EBF1: variants seen among roughly 807,000 people sequenced by gnomAD.
EBF1 encodes EBF transcription factor 1.
A neutral mutation model predicts 68.4 loss-of-function variants in EBF1; 10 were observed. The observed-to-expected ratio is 0.15, with a 90% CI of 0.09 to 0.25. The LOEUF (loss-of-function observed/expected upper bound fraction) is 0.25. Ranked by LOEUF, EBF1 falls within the 10% of genes least tolerant of loss-of-function variation. EBF1 has a pLI of 1.00. For synonymous variants in EBF1, 298 were observed against 299.8 expected (o/e 0.99, Z 0.06); for missense variants, 509 against 794.4 (o/e 0.64, Z 4.32).
intron 14 of EBF1, among the ~76,000 whole-genome samples, chr5:158,709,503 G>A (rs924295319): frequency 5.9e-5 from 9 of 152,194 alleles, no homozygotes; most frequent in African/African-American, 9.7e-5. Context: ...GAAAAGCCTC[G>A]TTCCCATGAG....
At chr5:158,876,590 C>A (rs1372002617) in intron 6 of EBF1, among the ~76,000 whole-genome samples, 2 of 152,264 alleles carry the variant, frequency 1.3e-5, no homozygotes, top group South Asian at 2.1e-4. Flanking sequence ...TCAGGAAAAA[C>A]AACATCTTTC....
At chr5:158,736,147 G>T (rs1358341625) in intron 10 of EBF1, among the ~76,000 whole-genome samples, 1 of 152,172 alleles carries the variant, frequency 6.6e-6, no homozygotes, top group Non-Finnish European at 1.5e-5. Context: ...GAAATTCTCT[G>T]TAAGGGGGTA....
rs150054857 is a variant in EBF1 at position 158,915,930 on chromosome 5, G to A, written c.555-75820C>T. On this transcript the variant is annotated intron_variant, in intron 6 of 15. Transcript: ENST00000313708. ...GAGAAAGTTTATTAAGAACCTTCAC[G>A]TGTGGGAGTCTCTCAAGAGCAAAGG... is the stretch of plus-strand genomic sequence containing the variant. Among the ~76,000 whole-genome samples, 90 of 152,270 alleles carry A rather than the reference G, an allele frequency of 5.9e-4. 2 individuals are homozygous for A. The South Asian group carries it at 0.016, about 27-fold the overall frequency.
At position 158,997,898 on chromosome 5, in the gene EBF1, C is replaced by T. The variant is rs78321468; in HGVS notation, c.554+75498G>A. Reference sequence around the variant, plus strand: ...CATTCAACAGGAATTTACCAGATACCCACTATGTGCCCCCTCAAGGAATGT... The same window carrying T: ...CATTCAACAGGAATTTACCAGATACTCACTATGTGCCCCCTCAAGGAATGT... On this transcript the variant is annotated intron_variant, in intron 6 of 15. Coordinates refer to ENST00000313708, the MANE Select transcript of EBF1 (RefSeq NM_024007.5). Among the ~76,000 whole-genome samples the T allele has an allele frequency of 4.4e-3, 671 of 152,184 alleles. 6 individuals carry two copies. The highest frequency in any genetic ancestry group is 0.015 in the African/African-American group (639 of 41,506).
At chr5:158,781,500 A>T (rs2127694791) in intron 9 of EBF1, among the ~76,000 whole-genome samples, 1 of 152,270 alleles carries the variant, frequency 6.6e-6, no homozygotes, top group Middle Eastern at 3.4e-3. Flanking sequence ...GCAACAGAGT[A>T]ACAGAATCTC....
At chr5:158,904,588 CA>C in intron 6 of EBF1, among the ~76,000 whole-genome samples, 1 of 152,316 alleles carries the variant, frequency 6.6e-6, no homozygotes, top group East Asian at 1.9e-4. Context: ...CACATTCCTG[CA>C]TAGCAGCTAT....
intron 8 of EBF1, among the ~76,000 whole-genome samples, chr5:158,800,644 AT>A (rs1780416065): frequency 2.0e-5 from 3 of 152,182 alleles, no homozygotes; most frequent in African/African-American, 7.2e-5. Flanking sequence ...TTCTCTCCTC[AT>A]TTTGGATATG....
At chr5:158,941,196 G>T (rs1380829989) in intron 6 of EBF1, 2 of 455,852 alleles carry the variant, frequency 4.4e-6, no homozygotes, top group Middle Eastern at 3.2e-4. Context: ...GAGTGAAAGA[G>T]ACACTCATTC....
chr5:158,705,548 G>A (rs1272522572), intron 15 of EBF1, among the ~76,000 whole-genome samples: 1 of 152,182 alleles, frequency 6.6e-6, no homozygotes, highest in Non-Finnish European at 1.5e-5. Flanking sequence ...CTGTAATTGG[G>A]TAAGAATTGA....
chr5:159,001,918 CGT>C (rs904825698), intron 6 of EBF1, among the ~76,000 whole-genome samples: 2 of 151,912 alleles, frequency 1.3e-5, no homozygotes, highest in South Asian at 2.1e-4. Context: ...CATTATCACC[CGT>C]GTGTGTGTGT....
intron 6 of EBF1, among the ~76,000 whole-genome samples, chr5:159,011,593 G>A (rs1341032575): frequency 1.3e-5 from 2 of 152,164 alleles, no homozygotes; most frequent in African/African-American, 4.8e-5. Context: ...GGGCTCCAAA[G>A]TTTGCTAAAA....
chr5:159,050,010 A>C (rs1773208644), intron 6 of EBF1, among the ~76,000 whole-genome samples: 1 of 152,194 alleles, frequency 6.6e-6, no homozygotes, highest in African/African-American at 2.4e-5. Context: ...ATTTCACGGC[A>C]TTAAAAACAA....
At chr5:159,033,297 TA>T (rs1160921044) in intron 6 of EBF1, among the ~76,000 whole-genome samples, 6 of 152,240 alleles carry the variant, frequency 3.9e-5, no homozygotes, top group Admixed American at 6.5e-5. Context: ...CCATTAATCG[TA>T]AGATTAGATC....
chr5:158,828,492 C>A (rs1255781971), intron 7 of EBF1, among the ~76,000 whole-genome samples: 1 of 152,034 alleles, frequency 6.6e-6, no homozygotes, highest in Non-Finnish European at 1.5e-5. Flanking sequence ...GATGAAAATT[C>A]CCTATATAAG....
At chr5:158,955,929 T>G (rs1816968499) in intron 6 of EBF1, among the ~76,000 whole-genome samples, 1 of 152,138 alleles carries the variant, frequency 6.6e-6, no homozygotes, top group Non-Finnish European at 1.5e-5. Context: ...GGCCATTGCT[T>G]TGTTTATGCA....
chr5:159,045,079 A>G (rs980717116), intron 6 of EBF1, among the ~76,000 whole-genome samples: 1 of 152,210 alleles, frequency 6.6e-6, no homozygotes, highest in Admixed American at 6.5e-5. Context: ...AAAGTAAGAT[A>G]GGCTTTATGA....
intron 6 of EBF1, among the ~76,000 whole-genome samples, chr5:159,018,591 T>C (rs2127705164): frequency 6.6e-6 from 1 of 152,372 alleles, no homozygotes; most frequent in South Asian, 2.1e-4. Context: ...GATAATTGCA[T>C]GCACAGTGAG....
intron 6 of EBF1, among the ~76,000 whole-genome samples, chr5:158,945,314 T>C (rs1323953940): frequency 1.3e-5 from 2 of 152,224 alleles, no homozygotes; most frequent in Non-Finnish European, 2.9e-5. Context: ...CCCAACGCCA[T>C]TTATTAAATA....
intron 6 of EBF1, among the ~76,000 whole-genome samples, chr5:158,946,462 A>G (rs983896988): frequency 1.3e-5 from 2 of 151,940 alleles, no homozygotes; most frequent in Admixed American, 6.6e-5. Context: ...GGTCTGCTGG[A>G]GTTTGCTGGG....
Sources: gnomAD v4.1 joint callset for allele counts (sites outside exome capture counted in the v4.1 genomes callset) on GRCh38, gnomAD v4.1.1 for gene constraint, MANE v1.5 for transcripts, NCBI Gene and HGNC (gene_info 2026-07-23, HGNC 2026-07-21) for gene names.